Variants in KCNMA1 observed in about 807,000 individuals in gnomAD.
KCNMA1 encodes Calcium-activated potassium channel subunit alpha-1.
In KCNMA1, 29 loss-of-function variants were observed where a neutral mutation model predicts 140.0. The ratio of observed to expected loss-of-function variants is 0.21; its 90% CI spans 0.15 to 0.28. KCNMA1 has a LOEUF of 0.28. Among genes scored for constraint, KCNMA1 ranks in the 10% least tolerant of loss-of-function variants. The pLI, the probability that KCNMA1 is intolerant of heterozygous loss-of-function variation, is 1.00. For missense variants in KCNMA1, 880 were observed against 1,602.2 expected (o/e 0.55, Z 7.70); for synonymous variants, 612 against 611.9 (o/e 1.00, Z 0.00).
intron 1 of KCNMA1, among the ~76,000 whole-genome samples, chr10:77,477,634 G>A (rs1265941909): frequency 6.6e-6 from 1 of 152,168 alleles, no homozygotes; most frequent in Non-Finnish European, 1.5e-5. Context: ...TTGGGGAGTG[G>A]CACTTTGTTA....
intron 1 of KCNMA1, among the ~76,000 whole-genome samples, chr10:77,438,275 A>T (rs1176293729): frequency 8.5e-5 from 13 of 152,102 alleles, no homozygotes; most frequent in Non-Finnish European, 1.9e-4. Context: ...TCCAGTTTCT[A>T]AAAAACGTAG....
rs149714488 is a variant in KCNMA1, at chr10:77,156,889, C to T, written c.808+26532G>A. Among the ~76,000 whole-genome samples the T allele has an allele frequency of 9.5e-3, 1,445 of 152,262 alleles. 22 individuals are homozygous for T. The highest frequency in any genetic ancestry group is 0.034 in the African/African-American group (1,395 of 41,540). ...GTTTTCCATACGCTTGTGGTTTTACCCCCAAGCAATCAACATTCCCTGTTC... is the reference window on the plus strand; with the variant it reads ...GTTTTCCATACGCTTGTGGTTTTACTCCCAAGCAATCAACATTCCCTGTTC... On this transcript the variant is annotated intron_variant, in intron 5 of 27. Coordinates refer to ENST00000286628, the MANE Select transcript of KCNMA1 (RefSeq NM_001161352.2).
intron 1 of KCNMA1, chr10:77,636,855 G>T: frequency 7.0e-7 from 1 of 1,428,738 alleles, no homozygotes; most frequent in Non-Finnish European, 9.1e-7. Flanking sequence ...CCACCGCCAG[G>T]AGCCGAGCCC....
intron 27 of KCNMA1, chr10:76,888,128 G>A (rs2038077451): frequency 1.2e-5 from 2 of 161,392 alleles, no homozygotes; most frequent in African/African-American, 4.8e-5. Flanking sequence ...GTTTCACTTA[G>A]AGCAGTGGTC....
intron 1 of KCNMA1, among the ~76,000 whole-genome samples, chr10:77,535,012 ACAC>A (rs1348262012): frequency 6.6e-6 from 1 of 152,186 alleles, no homozygotes; most frequent in Non-Finnish European, 1.5e-5. Flanking sequence ...ATCTACAACC[ACAC>A]CTACAAACTA....
chr10:76,926,962 A>G (rs1347285864), intron 23 of KCNMA1, among the ~76,000 whole-genome samples: 1 of 151,958 alleles, frequency 6.6e-6, no homozygotes, highest in Non-Finnish European at 1.5e-5. Context: ...CATCCTTTCC[A>G]TTTGCTAACA....
intron 5 of KCNMA1, among the ~76,000 whole-genome samples, chr10:77,146,181 T>C (rs1336779676): frequency 6.6e-6 from 1 of 152,208 alleles, no homozygotes; most frequent in Non-Finnish European, 1.5e-5. Flanking sequence ...ACTATCTACA[T>C]AATTTTAGGG....
At position 77,174,121 on chromosome 10, in the gene KCNMA1, G is replaced by A. The variant is rs116256647; in HGVS notation, c.808+9300C>T. On this transcript the variant is annotated intron_variant, in intron 5 of 27. Coordinates refer to ENST00000286628, the MANE Select transcript of KCNMA1 (RefSeq NM_001161352.2). ...AAAATGCCATTTCAGTAGCAGCAGA[G>A]TAGTGTGTCCTGGAGCTGGAGCATG... is the stretch of plus-strand genomic sequence containing the variant. 4.5e-3 allele frequency among the ~76,000 whole-genome samples: 685 copies of A among 152,276 alleles called. 6 individuals are homozygous for A. The highest frequency in any genetic ancestry group is 0.016 in the African/African-American group (661 of 41,552).
At chr10:77,029,279 G>A (rs1417736344) in intron 15 of KCNMA1, among the ~76,000 whole-genome samples, 1 of 152,150 alleles carries the variant, frequency 6.6e-6, no homozygotes, top group African/African-American at 2.4e-5. Context: ...ATGAGTTGAT[G>A]CTTATTTATT....
At chr10:77,403,466 AC>A (rs764369760) in intron 2 of KCNMA1, among the ~76,000 whole-genome samples, 7 of 152,086 alleles carry the variant, frequency 4.6e-5, no homozygotes, top group Non-Finnish European at 1.0e-4. Context: ...CCCGAAGACC[AC>A]CAAACACACA....
chr10:77,424,049 GC>G (rs2096924155), intron 1 of KCNMA1, among the ~76,000 whole-genome samples: 1 of 152,192 alleles, frequency 6.6e-6, no homozygotes, highest in Non-Finnish European at 1.5e-5. Context: ...AGGAAGACAA[GC>G]TTTTGGAGTC....
chr10:77,111,327 T>C (rs2097316480), intron 7 of KCNMA1, among the ~76,000 whole-genome samples: 1 of 152,244 alleles, frequency 6.6e-6, no homozygotes, highest in South Asian at 2.1e-4. Context: ...TTCCAGGGCC[T>C]GGCCTCTTTC....
intron 1 of KCNMA1, among the ~76,000 whole-genome samples, chr10:77,528,001 A>G (rs2056412551): frequency 6.6e-6 from 1 of 152,178 alleles, no homozygotes; most frequent in African/African-American, 2.4e-5. Flanking sequence ...TTCAATTCCC[A>G]GACCCTCTAC....
chr10:77,022,430 A>G (rs959996197), intron 16 of KCNMA1, among the ~76,000 whole-genome samples: 2 of 152,214 alleles, frequency 1.3e-5, no homozygotes, highest in African/African-American at 4.8e-5. Context: ...TACTGGTTTC[A>G]ACAGAAAACA....
At chr10:77,042,010 G>A (rs979624314) in intron 14 of KCNMA1, among the ~76,000 whole-genome samples, 13 of 152,166 alleles carry the variant, frequency 8.5e-5, no homozygotes, top group African/African-American at 3.1e-4. Context: ...CTGGCTCTGT[G>A]CTCTTTGTCT....
chr10:77,356,400 T>C (rs1013439619), intron 2 of KCNMA1, among the ~76,000 whole-genome samples: 2 of 152,242 alleles, frequency 1.3e-5, no homozygotes, highest in Admixed American at 6.5e-5. Flanking sequence ...TCAATATTGA[T>C]AGCCAAAAAT....
chr10:77,092,051 G>A (rs2096831128), intron 9 of KCNMA1: 1 of 152,172 alleles, frequency 6.6e-6, no homozygotes, highest in Non-Finnish European at 1.5e-5. Context: ...GAGTGTCAAT[G>A]AGCTACTTCA....
At chr10:76,906,245 T>C (rs1008152332) in intron 25 of KCNMA1, among the ~76,000 whole-genome samples, 4 of 152,238 alleles carry the variant, frequency 2.6e-5, no homozygotes, top group Non-Finnish European at 5.9e-5. Flanking sequence ...AATACTCATA[T>C]GTGAGTCTCA....
At chr10:77,256,785 C>T (rs1210783978) in intron 2 of KCNMA1, among the ~76,000 whole-genome samples, 1 of 151,912 alleles carries the variant, frequency 6.6e-6, no homozygotes, top group Non-Finnish European at 1.5e-5. Context: ...ATATATGATC[C>T]CAAAGGCATA....
Sources: allele counts gnomAD v4.1 joint callset (sites outside exome capture counted in the v4.1 genomes callset), GRCh38; gene constraint gnomAD v4.1.1; transcripts MANE v1.5; gene names NCBI Gene and HGNC (gene_info 2026-07-23, HGNC 2026-07-21).